Variants in DAND5 observed in about 807,000 individuals in gnomAD.
The protein encoded by DAND5 is DAN domain BMP antagonist family member 5, also known as DAN domain family member 5.
In DAND5, 8 loss-of-function variants were observed where a neutral mutation model predicts 9.2. The ratio of observed to expected loss-of-function variants is 0.87; its 90% CI spans 0.51 to 1.56. The LOEUF (loss-of-function observed/expected upper bound fraction) is 1.56, where lower values mean the gene tolerates loss of function less well. Among genes scored for constraint, DAND5 ranks in the 40% most tolerant of loss-of-function variants. DAND5 has a pLI of 0.00. For synonymous variants in DAND5, 95 were observed against 101.1 expected, an observed-to-expected ratio of 0.94 and a Z score of 0.36; for missense variants, 244 against 244.7, an observed-to-expected ratio of 1.00 and a Z score of 0.02.
chr19:12,973,071 C>T (rs543404128), intron 1 of DAND5, among the ~76,000 whole-genome samples: 28 of 151,654 alleles, frequency 1.8e-4, no homozygotes, highest in South Asian at 4.2e-4. Flanking sequence ...ACCGTGTTGG[C>T]CAGGATGGTC....
Position 12,973,061 on chromosome 19 carries a change from A to G in DAND5, c.325-328A>G, listed in dbSNP as rs543519175. ...GTATTTTTAGTAGAGACGGGGTTTC[A>G]CCGTGTTGGCCAGGATGGTCTCGAT... On this transcript the variant is annotated intron_variant, in intron 1 of 1. Coordinates refer to ENST00000317060, the MANE Select transcript of DAND5 (RefSeq NM_152654.3). 3.1e-3 allele frequency among the ~76,000 whole-genome samples: 458 copies of G among 149,900 alleles called. 2 individuals are homozygous for G. Among genetic ancestry groups the G allele is most frequent in the Non-Finnish European group, 4.9e-3 (334 of 67,696 alleles).
intron 1 of DAND5, 101 bp from the exon 2 acceptor site, chr19:12,973,288 T>TC: frequency 2.0e-6 from 3 of 1,515,472 alleles, no homozygotes; most frequent in Non-Finnish European, 2.7e-6. Flanking sequence ...GGCTGCAGCA[T>TC]CCATGCCTGT....
chr19:12,970,121 T>A, intron 1 of DAND5, 137 bp downstream of exon 1: 1 of 1,070,216 alleles, frequency 9.3e-7, no homozygotes. Context: ...TCCTCCCTTG[T>A]AAAATGCGAC....
intron 1 of DAND5, among the ~76,000 whole-genome samples, chr19:12,972,861 CTTTTTTTTTTT>C (rs1212086930): frequency 9.5e-6 from 1 of 104,714 alleles, no homozygotes. Flanking sequence ...AATTTCTTTT[CTTTTTTTTTTT>C]TTTTTTTTTG....
chr19:12,970,513 C>T (rs2011140829), intron 1 of DAND5: 3 of 699,798 alleles, frequency 4.3e-6, no homozygotes, highest in South Asian at 3.0e-5. Context: ...GCAATCCTCC[C>T]ACCTCAGCCT....
rs558212789 is a variant in DAND5, at chr19:12,972,249, C to T, written c.325-1140C>T. Among the ~76,000 whole-genome samples the T allele has an allele frequency of 1.5e-3, 225 of 151,910 alleles. 1 individual carries two copies. The highest frequency in any genetic ancestry group is 5.0e-3 in the African/African-American group (209 of 41,418). On this transcript the variant is annotated intron_variant, in intron 1 of 1. Coordinates refer to ENST00000317060, the MANE Select transcript of DAND5 (RefSeq NM_152654.3). ...AATTTTTTTGTATTTTTAGTAGAGA[C>T]GGGGTTTCACCATATTAGCCAGGAT...
At chr19:12,971,339 C>A (rs1482410541) in intron 1 of DAND5, among the ~76,000 whole-genome samples, 1 of 151,782 alleles carries the variant, frequency 6.6e-6, no homozygotes, top group Admixed American at 6.6e-5. Flanking sequence ...AGTGCAATGG[C>A]GCGATCTCAG....
At position 12,974,180 on chromosome 19, in the gene DAND5, G is replaced by T; in HGVS notation, c.*546G>T. The T allele has an allele frequency of 6.5e-6, 1 of 152,698 alleles. No individual in the cohort carries two copies. The highest frequency in any genetic ancestry group is 1.4e-5 in the Non-Finnish European group (1 of 69,128). The allele number at this position is 152,698 out of a possible 1,614,324, so 9.5% of individuals were successfully genotyped here. Reference sequence around the variant, plus strand: ...GTCACCCAGGCTGGAGTGCAATGGCGCGATCTTGGCTCACTGTAACTTCCA... The same window carrying T: ...GTCACCCAGGCTGGAGTGCAATGGCTCGATCTTGGCTCACTGTAACTTCCA... On this transcript the variant is annotated 3_prime_UTR_variant, in exon 2 of 2. Coordinates refer to ENST00000317060, the MANE Select transcript of DAND5 (RefSeq NM_152654.3).
intron 1 of DAND5, among the ~76,000 whole-genome samples, chr19:12,972,298 A>T (rs1359103279): frequency 6.6e-6 from 1 of 151,876 alleles, no homozygotes; most frequent in Non-Finnish European, 1.5e-5. Flanking sequence ...TGACTTCGTG[A>T]TCTGCCTGCG....
rs1381308622 is a variant in DAND5, at chr19:12,969,809, C to G, written c.149C>G (p.Pro50Arg). The change falls in exon 1 of 2, where the codon CCA (proline) becomes CGA (arginine). Residue 50 changes from proline to arginine, a missense_variant. Pro to Arg is a moderately radical substitution (Grantham distance 103, BLOSUM62 -2). Transcript: ENST00000317060. ...GCTCTGGGCCCAGGGGCCCTGCCCC[C>G]ACTGGTGCCAGCTTCTGCCCTTGGG... is the stretch of plus-strand genomic sequence containing the variant. The part of the protein sequence containing the change: ...TWALGPGALP[P>R]LVPASALGSW... 6.2e-7 allele frequency: 1 copy of G among 1,604,404 alleles called. No individual in the cohort carries two copies. The highest frequency in any genetic ancestry group is 1.7e-5 in the Admixed American group (1 of 58,918).
At position 12,973,610 on chromosome 19, in the gene DAND5, G is replaced by A; in HGVS notation, c.546G>A (p.Gly182=). Residue 182 remains glycine, a synonymous_variant, in exon 2 of 2, where the codon GGG becomes GGA. Coordinates refer to ENST00000317060, the MANE Select transcript of DAND5 (RefSeq NM_152654.3). The stretch of plus-strand genomic sequence containing the variant: ...AGATATCCACCATGCTGATCGAGGG[G>A]TGTCACTGCAGCCCAAAAGCATGAA... ...RVKISTMLIE[G]CHCSPKA is the part of the protein sequence containing the mutation. The A allele has an allele frequency of 1.2e-6, 2 of 1,614,098 alleles. No individual in the cohort carries two copies. The highest frequency in any genetic ancestry group is 1.7e-6 in the Non-Finnish European group (2 of 1,180,014).
chr19:12,971,418 A>T (rs1467323251), intron 1 of DAND5, among the ~76,000 whole-genome samples: 1 of 151,388 alleles, frequency 6.6e-6, no homozygotes, highest in Non-Finnish European at 1.5e-5. Flanking sequence ...AGCTGGTTTT[A>T]CAAGCACACG....
rs1344829241 is a variant in DAND5 at position 12,973,704 on chromosome 19, A to G, written c.*70A>G. 4.7e-5 allele frequency: 73 copies of G among 1,566,384 alleles called. No homozygotes were observed. The highest frequency in any genetic ancestry group is 6.2e-5 in the Non-Finnish European group (72 of 1,156,802). On this transcript the variant is annotated 3_prime_UTR_variant, in exon 2 of 2. Coordinates refer to ENST00000317060, the MANE Select transcript of DAND5 (RefSeq NM_152654.3). ...AATGAGGGGAGATGGACCAAGAAAG[A>G]CGTGGACCTGGATGATGTACTCTGG...
In DAND5 at chr19:12,972,215, C is replaced by T. The variant is rs538494715; in HGVS notation, c.325-1174C>T. Among the ~76,000 whole-genome samples, 94 of 152,068 alleles carry T rather than the reference C, an allele frequency of 6.2e-4. 1 individual carries two copies. Among genetic ancestry groups the T allele is most frequent in the African/African-American group, 2.0e-3 (81 of 41,468 alleles). ...CTGGGACCACAGGCGCCCACCACCA[C>T]GCCTGGCTAATTTTTTTGTATTTTT... On this transcript the variant is annotated intron_variant, in intron 1 of 1. Coordinates refer to ENST00000317060, the MANE Select transcript of DAND5 (RefSeq NM_152654.3).
Position 12,973,644 on chromosome 19 carries a change from C to T in DAND5, c.*10C>T, listed in dbSNP as rs374830367. The stretch of plus-strand genomic sequence containing the variant: ...CAGCCCAAAAGCATGAACTGAGCAT[C>T]GTGGATGGGTGCACGGAGACACGCA... On this transcript the variant is annotated 3_prime_UTR_variant, in exon 2 of 2. Transcript: ENST00000317060. 1.2e-4 allele frequency: 197 copies of T among 1,612,160 alleles called. No individual in the cohort carries two copies. The highest frequency in any genetic ancestry group is 3.3e-4 in the Admixed American group (20 of 59,950).
At chr19:12,970,855 A>C (rs1476648930) in intron 1 of DAND5, among the ~76,000 whole-genome samples, 1 of 151,912 alleles carries the variant, frequency 6.6e-6, no homozygotes, top group Admixed American at 6.6e-5. Context: ...TAAATTTTGT[A>C]CTTTTTGTAG....
At chr19:12,973,110 C>T (rs1358737466) in intron 1 of DAND5, among the ~76,000 whole-genome samples, 4 of 152,106 alleles carry the variant, frequency 2.6e-5, no homozygotes, top group South Asian at 2.1e-4. Context: ...GATCCGCCCG[C>T]CTTGGCCTCC....
In DAND5 at chr19:12,969,782, G is replaced by C. The variant is rs753662561; in HGVS notation, c.122G>C (p.Trp41Ser). Residue 41 changes from tryptophan to serine, a missense_variant, in exon 1 of 2, where the codon TGG becomes TCG. Coordinates refer to ENST00000317060, the MANE Select transcript of DAND5 (RefSeq NM_152654.3). Reference protein sequence around the residue: ...PQSWAAANQTWALGPGALPPL... With the variant: ...PQSWAAANQTSALGPGALPPL... ...TCCTGGGCTGCAGCCAATCAGACCT[G>C]GGCTCTGGGCCCAGGGGCCCTGCCC... is the stretch of plus-strand genomic sequence containing the variant. 1 of 1,591,774 alleles carries C rather than the reference G, an allele frequency of 6.3e-7. No individual in the cohort carries two copies. The highest frequency in any genetic ancestry group is 1.2e-5 in the South Asian group (1 of 86,862).
chr19:12,970,578 TTCTTTCTTTCTTTCTTTTTC>T (rs1317331092), intron 1 of DAND5: 4 of 486,242 alleles, frequency 8.2e-6, no homozygotes, highest in East Asian at 6.7e-5. Context: ...TTTCTTTCTT[TTCTTTCTTTCTTTCTTTTTC>T]TCTTTCTTTC....
Sources: gnomAD v4.1 joint callset for allele counts (sites outside exome capture counted in the v4.1 genomes callset) on GRCh38, gnomAD v4.1.1 for gene constraint, MANE v1.5 for transcripts, NCBI Gene and HGNC (gene_info 2026-07-23, HGNC 2026-07-21) for gene names.